SLAIN2: variants seen among roughly 807,000 people sequenced by gnomAD.
SLAIN2 encodes SLAIN motif-containing protein 2.
SLAIN2 carries 31 observed loss-of-function variants against 56.6 expected under a neutral mutation model. The observed-to-expected ratio is 0.55, with a 90% CI of 0.41 to 0.74. The LOEUF (loss-of-function observed/expected upper bound fraction) is 0.74. SLAIN2 is among the 30% of genes least tolerant of loss of function. The pLI, the probability that SLAIN2 is intolerant of heterozygous loss-of-function variation, is 0.00. For missense variants in SLAIN2, 777 were observed against 754.2 expected (o/e 1.03, Z -0.35); for synonymous variants, 317 against 284.9 (o/e 1.11, Z -1.13).
intron 6 of SLAIN2, among the ~76,000 whole-genome samples, chr4:48,394,259 G>A (rs557719968): frequency 6.6e-6 from 1 of 152,064 alleles, no homozygotes; most frequent in Admixed American, 6.5e-5. Context: ...TTTTTTCTTT[G>A]TATTCTTTGT....
At position 48,420,136 on chromosome 4, in the gene SLAIN2, G is replaced by C; in HGVS notation, c.1372G>C (p.Gly458Arg). 6.2e-7 allele frequency: 1 copy of C among 1,613,704 alleles called. No homozygotes were observed. The change falls in exon 7 of 8, where the codon GGC becomes CGC. Residue 458 changes from glycine to arginine, a missense_variant. Physicochemically the swap from Gly to Arg is moderately radical, Grantham distance 125. Coordinates refer to ENST00000264313, the MANE Select transcript of SLAIN2 (RefSeq NM_020846.2). ...QPQASAIPSP[G>R]KFRSPAAPSP... Reference sequence around the variant, plus strand: ...TTGCCATCCCACAGTACCTTCTCCAGGCAAATTCCGTTCCCCTGCAGCACC... The same window carrying C: ...TTGCCATCCCACAGTACCTTCTCCACGCAAATTCCGTTCCCCTGCAGCACC...
At position 48,377,896 on chromosome 4, in the gene SLAIN2, C is replaced by T. The variant is rs761388626; in HGVS notation, c.539C>T (p.Ala180Val). The T allele has an allele frequency of 9.4e-5, 151 of 1,612,510 alleles. No homozygotes were observed. Among genetic ancestry groups the T allele is most frequent in the East Asian group, 3.1e-4 (14 of 44,864 alleles). ...LIHKLDQTMS[A>V]LKRQNLYNNP... ...GATTTTCCCCTTCTCATTAATGCAG[C>T]TCTCAAGAGGCAGAATTTATATAAT... Residue 180 changes from alanine to valine, a missense_variant and splice_region_variant, in exon 3 of 8, where the codon GCT becomes GTT. Ala to Val is a moderately conservative substitution (Grantham distance 64, BLOSUM62 0). Transcript: ENST00000264313.
intron 6 of SLAIN2, among the ~76,000 whole-genome samples, chr4:48,397,834 CTCTT>C (rs920974953): frequency 3.3e-5 from 5 of 152,148 alleles, no homozygotes; most frequent in Non-Finnish European, 7.3e-5. Flanking sequence ...AGGACATGAA[CTCTT>C]TCTTTCTTAT....
At chr4:48,418,435 T>A (rs1470187502) in intron 6 of SLAIN2, among the ~76,000 whole-genome samples, 1 of 152,206 alleles carries the variant, frequency 6.6e-6, no homozygotes, top group Non-Finnish European at 1.5e-5. Flanking sequence ...TTCTTCATCC[T>A]GTTACTGTGG....
At chr4:48,352,247 TCAAAC>T (rs1348744132) in intron 1 of SLAIN2, among the ~76,000 whole-genome samples, 1 of 152,200 alleles carries the variant, frequency 6.6e-6, no homozygotes, top group Non-Finnish European at 1.5e-5. Context: ...CCTGAAGTAT[TCAAAC>T]CAAAGTATTG....
At chr4:48,352,403 A>G (rs1715037209) in intron 1 of SLAIN2, among the ~76,000 whole-genome samples, 1 of 152,228 alleles carries the variant, frequency 6.6e-6, no homozygotes, top group Non-Finnish European at 1.5e-5. Context: ...AGGAAATAAT[A>G]GATATCATTT....
intron 6 of SLAIN2, among the ~76,000 whole-genome samples, chr4:48,413,804 T>C (rs1337264198): frequency 6.6e-6 from 1 of 152,198 alleles, no homozygotes; most frequent in Non-Finnish European, 1.5e-5. Context: ...GAAGGAAGAC[T>C]GCTCTGTGAA....
At chr4:48,344,690 C>T (rs1714817007) in intron 1 of SLAIN2, among the ~76,000 whole-genome samples, 1 of 151,708 alleles carries the variant, frequency 6.6e-6, no homozygotes, top group Non-Finnish European at 1.5e-5. Flanking sequence ...CTTTCATACT[C>T]TTCTTTTTTT....
intron 6 of SLAIN2, among the ~76,000 whole-genome samples, chr4:48,390,189 C>T (rs552116600): frequency 2.0e-5 from 3 of 151,730 alleles, no homozygotes; most frequent in Admixed American, 1.3e-4. Flanking sequence ...ATTCCCCTGC[C>T]TCAGCCTCCC....
At chr4:48,390,831 T>A (rs1716221596) in intron 6 of SLAIN2, among the ~76,000 whole-genome samples, 1 of 152,222 alleles carries the variant, frequency 6.6e-6, no homozygotes, top group Admixed American at 6.5e-5. Context: ...ATAGCCAGAT[T>A]TATCAATCTG....
intron 2 of SLAIN2, among the ~76,000 whole-genome samples, chr4:48,371,873 A>G (rs2109754227): frequency 6.6e-6 from 1 of 152,080 alleles, no homozygotes. Context: ...GAGCCCAGGA[A>G]GTTGTTGCAG....
chr4:48,369,952 T>C lies in SLAIN2; in HGVS notation c.493T>C (p.Cys165Arg). 2 of 1,613,698 alleles carry C rather than the reference T, an allele frequency of 1.2e-6. No individual in the cohort carries two copies. Among genetic ancestry groups the C allele is most frequent in the Non-Finnish European group, 1.7e-6 (2 of 1,179,688 alleles). The change falls in exon 2 of 8, where the codon TGT becomes CGT. Residue 165 changes from cysteine to arginine, a missense_variant. Transcript: ENST00000264313. Reference protein sequence around the residue: ...VLDYPSPDVECAKKSLIHKLD... With the variant: ...VLDYPSPDVERAKKSLIHKLD... Reference sequence around the variant, plus strand: ...GGATTACCCAAGTCCTGATGTTGAGTGTGCTAAAAAATCTCTTATCCACAA... The same window carrying C: ...GGATTACCCAAGTCCTGATGTTGAGCGTGCTAAAAAATCTCTTATCCACAA...
chr4:48,371,288 G>T (rs892201595), intron 2 of SLAIN2, among the ~76,000 whole-genome samples: 3 of 151,974 alleles, frequency 2.0e-5, no homozygotes, highest in Non-Finnish European at 2.9e-5. Context: ...AGCCAGGCTG[G>T]TCTTGAACTC....
At chr4:48,362,287 G>A (rs1358367279) in intron 1 of SLAIN2, among the ~76,000 whole-genome samples, 3 of 152,126 alleles carry the variant, frequency 2.0e-5, no homozygotes, top group Middle Eastern at 3.4e-3. Context: ...TGTAGGATTG[G>A]TATTGGCATT....
rs572531026 is a variant in SLAIN2, at chr4:48,425,425, G to A, written c.*3348G>A. On this transcript the variant is annotated 3_prime_UTR_variant, in exon 8 of 8. Transcript: ENST00000264313. Reference sequence around the variant, plus strand: ...ATTAATGCATTTTCATACCAAATGCGAATATTTAGGTGATCACGTGCATCT... The same window carrying A: ...ATTAATGCATTTTCATACCAAATGCAAATATTTAGGTGATCACGTGCATCT... The A allele has an allele frequency of 4.6e-5, 7 of 152,106 alleles. No homozygotes were observed. Among genetic ancestry groups the A allele is most frequent in the South Asian group, 2.1e-4 (1 of 4,816 alleles). The allele number at this position is 152,106 out of a possible 1,614,324, so 9.4% of individuals were successfully genotyped here.
intron 6 of SLAIN2, among the ~76,000 whole-genome samples, chr4:48,389,312 T>A (rs753029441): frequency 1.3e-5 from 2 of 152,220 alleles, no homozygotes; most frequent in African/African-American, 2.4e-5. Context: ...TTTAGAAGCA[T>A]CTCAGTTGAT....
At position 48,378,037 on chromosome 4, in the gene SLAIN2, A is replaced by G. The variant is rs1406153651; in HGVS notation, c.680A>G (p.Gln227Arg). 1.2e-6 allele frequency: 2 copies of G among 1,611,598 alleles called. No individual in the cohort carries two copies. The highest frequency in any genetic ancestry group is 2.7e-5 in the African/African-American group (2 of 74,740). The change falls in exon 3 of 8, where the codon CAG becomes CGG. Residue 227 changes from glutamine (Q) to arginine (R), a missense_variant. Transcript: ENST00000264313. ...CCAGTGCGACCTCCTATAGTCAAAC[A>G]GCTTATACTTCCTGGAAATTCAGGT... ...STPVRPPIVKQLILPGNSGNL... is the reference protein window; with the variant it reads ...STPVRPPIVKRLILPGNSGNL...
chr4:48,403,726 C>A (rs1421403464), intron 6 of SLAIN2, among the ~76,000 whole-genome samples: 3 of 152,190 alleles, frequency 2.0e-5, no homozygotes, highest in Non-Finnish European at 4.4e-5. Flanking sequence ...TGCCTGGTTC[C>A]TTGGATTCAG....
chr4:48,374,029 ACTCCAT>A, intron 2 of SLAIN2, among the ~76,000 whole-genome samples: 1 of 152,158 alleles, frequency 6.6e-6, no homozygotes, highest in African/African-American at 2.4e-5. Flanking sequence ...CAAGAGTGAA[ACTCCAT>A]CTCAGAAAAA....
Sources: allele counts gnomAD v4.1 joint callset (sites outside exome capture counted in the v4.1 genomes callset), GRCh38; gene constraint gnomAD v4.1.1; transcripts MANE v1.5; gene names NCBI Gene and HGNC (gene_info 2026-07-23, HGNC 2026-07-21).